KIF16B: variants seen among roughly 807,000 people sequenced by gnomAD.
The protein encoded by KIF16B is kinesin family member 16B.
A neutral mutation model predicts 156.3 loss-of-function variants in KIF16B; 98 were observed. The observed-to-expected ratio is 0.63, with a 90% CI of 0.53 to 0.74. KIF16B has a LOEUF of 0.74. KIF16B is among the 30% of genes least tolerant of loss of function. The pLI is 0.00. For synonymous variants in KIF16B, 564 were observed against 583.7 expected, an observed-to-expected ratio of 0.97 and a Z score of 0.49; for missense variants, 1,421 against 1,606.5, an observed-to-expected ratio of 0.88 and a Z score of 1.97.
intron 24 of KIF16B, among the ~76,000 whole-genome samples, chr20:16,313,742 A>G (rs1230727237): frequency 1.3e-5 from 2 of 152,204 alleles, no homozygotes; most frequent in African/African-American, 4.8e-5. Context: ...GTGAGATCCA[A>G]CCATGTTGTT....
At chr20:16,341,287 A>G (rs1418330687) in intron 23 of KIF16B, among the ~76,000 whole-genome samples, 1 of 152,226 alleles carries the variant, frequency 6.6e-6, no homozygotes, top group East Asian at 1.9e-4. Context: ...GACCTGCTAT[A>G]GTTGGTTTGC....
intron 1 of KIF16B, among the ~76,000 whole-genome samples, chr20:16,557,336 C>A (rs1359717386): frequency 6.6e-6 from 1 of 151,918 alleles, no homozygotes; most frequent in African/African-American, 2.4e-5. Flanking sequence ...CCTGCTACTA[C>A]GCCCGGCTAA....
chr20:16,279,271 G>C (rs1338050337), intron 25 of KIF16B, among the ~76,000 whole-genome samples: 1 of 152,160 alleles, frequency 6.6e-6, no homozygotes, highest in Non-Finnish European at 1.5e-5. Context: ...AGCTAATCAA[G>C]CTACTAGCGC....
At chr20:16,336,299 T>C (rs1164252992) in intron 23 of KIF16B, among the ~76,000 whole-genome samples, 2 of 152,208 alleles carry the variant, frequency 1.3e-5, no homozygotes, top group African/African-American at 4.8e-5. Flanking sequence ...TCCCTTTTTA[T>C]AGAAACACTT....
chr20:16,437,986 T>TAAAAAAAAA (rs774876495), intron 12 of KIF16B, among the ~76,000 whole-genome samples: 3 of 99,486 alleles, frequency 3.0e-5, no homozygotes, highest in Non-Finnish European at 2.4e-5. Flanking sequence ...TAAAAAAAAA[T>TAAAAAAAAA]AATAAAAAAA....
intron 12 of KIF16B, among the ~76,000 whole-genome samples, chr20:16,447,942 C>G (rs2066978476): frequency 6.6e-6 from 1 of 152,158 alleles, no homozygotes; most frequent in Admixed American, 6.5e-5. Context: ...TAACAAGACT[C>G]TGTCTCTTTA....
intron 14 of KIF16B, among the ~76,000 whole-genome samples, chr20:16,427,561 T>C (rs920272532): frequency 6.6e-6 from 1 of 152,232 alleles, no homozygotes; most frequent in East Asian, 1.9e-4. Flanking sequence ...CTGAATACCA[T>C]GGAGTTGCCC....
chr20:16,309,603 C>G (rs1400084849), intron 25 of KIF16B, among the ~76,000 whole-genome samples: 1 of 152,158 alleles, frequency 6.6e-6, no homozygotes, highest in Non-Finnish European at 1.5e-5. Context: ...CTAATAAACT[C>G]AAACACAAGG....
At chr20:16,408,764 T>C (rs2065847771) in intron 15 of KIF16B, among the ~76,000 whole-genome samples, 1 of 152,180 alleles carries the variant, frequency 6.6e-6, no homozygotes, top group Non-Finnish European at 1.5e-5. Flanking sequence ...GACAATTCAG[T>C]GCTTCCATCT....
At chr20:16,511,862 G>A (rs189125725) in intron 5 of KIF16B, among the ~76,000 whole-genome samples, 1 of 152,108 alleles carries the variant, frequency 6.6e-6, no homozygotes, top group African/African-American at 2.4e-5. Context: ...ATCAAGAAGC[G>A]ACATTAGGCC....
At chr20:16,423,278 T>C (rs1342175127) in intron 15 of KIF16B, among the ~76,000 whole-genome samples, 1 of 152,076 alleles carries the variant, frequency 6.6e-6, no homozygotes, top group Admixed American at 6.6e-5. Flanking sequence ...AAAACAAATG[T>C]TGACTAGTTC....
At chr20:16,530,056 A>G (rs562624754) in intron 1 of KIF16B, among the ~76,000 whole-genome samples, 1 of 152,332 alleles carries the variant, frequency 6.6e-6, no homozygotes, top group South Asian at 2.1e-4. Context: ...TTGTCCATTG[A>G]AAAGGCCTAG....
intron 12 of KIF16B, among the ~76,000 whole-genome samples, chr20:16,447,818 T>C (rs2066974719): frequency 6.6e-6 from 1 of 152,094 alleles, no homozygotes; most frequent in African/African-American, 2.4e-5. Flanking sequence ...GATAAAACCA[T>C]TGACAAGCCA....
chr20:16,513,887 T>A (rs1023152992), intron 4 of KIF16B, among the ~76,000 whole-genome samples: 39 of 152,150 alleles, frequency 2.6e-4, no homozygotes, highest in Non-Finnish European at 4.9e-4. Flanking sequence ...AGGCAGAGCA[T>A]CAATGCTTTA....
At chr20:16,406,509 G>T in intron 15 of KIF16B, 53 bp from the exon 16 acceptor site, 1 of 1,398,340 alleles carries the variant, frequency 7.2e-7, no homozygotes, top group Non-Finnish European at 1.0e-6. Context: ...CTGGTCAGTT[G>T]CCAATACCAT....
chr20:16,463,136 G>A (rs1440039782), intron 12 of KIF16B, among the ~76,000 whole-genome samples: 1 of 152,164 alleles, frequency 6.6e-6, no homozygotes, highest in African/African-American at 2.4e-5. Context: ...ATCTCGCTGT[G>A]AACCTAAAAG....
In KIF16B at chr20:16,379,147, T is replaced by C; in HGVS notation, c.2855A>G (p.Lys952Arg). 6.2e-7 allele frequency: 1 copy of C among 1,614,194 alleles called. No homozygotes were observed. The highest frequency in any genetic ancestry group is 2.2e-5 in the East Asian group (1 of 44,892). ...LYQVEKEMEEKEEQLAQYQAN... is the reference protein window; with the variant it reads ...LYQVEKEMEEREEQLAQYQAN... The stretch of plus-strand genomic sequence containing the variant: ...CTGGTACTGTGCAAGCTGTTCTTCT[T>C]TTTCTTCCATTTCCTTTTCTACTTG... The change falls in exon 19 of 26, where the codon AAA becomes AGA. Residue 952 changes from lysine to arginine, a missense_variant. Lys to Arg is a conservative substitution (Grantham distance 26, BLOSUM62 2). Transcript: ENST00000354981.
chr20:16,314,863 C>A (rs1034532896), intron 24 of KIF16B, among the ~76,000 whole-genome samples: 7 of 152,132 alleles, frequency 4.6e-5, no homozygotes, highest in South Asian at 2.1e-4. Flanking sequence ...ACACTCCCCC[C>A]ATGTTGCAGC....
intron 22 of KIF16B, among the ~76,000 whole-genome samples, 164 bp from the exon 23 acceptor site, chr20:16,356,616 A>G (rs1340612591): frequency 6.6e-6 from 1 of 152,240 alleles, no homozygotes; most frequent in Non-Finnish European, 1.5e-5. Flanking sequence ...GAAAGAGAAA[A>G]GCTAAGCCTC....
Sources: allele counts gnomAD v4.1 joint callset (sites outside exome capture counted in the v4.1 genomes callset), GRCh38; gene constraint gnomAD v4.1.1; transcripts MANE v1.5; gene names NCBI Gene and HGNC (gene_info 2026-07-23, HGNC 2026-07-21).